The following GRIK2 variants were observed in gnomAD, a reference collection of about 807,000 sequenced individuals.
GRIK2 encodes the protein glutamate ionotropic receptor kainate type subunit 2, also known as glutamate receptor ionotropic, kainate 2.
Under a neutral mutation model 100.3 loss-of-function variants are expected in GRIK2, and 32 were observed. The ratio of observed to expected loss-of-function variants is 0.32; its 90% CI spans 0.24 to 0.43. The LOEUF is 0.43. GRIK2 is among the 20% of genes least tolerant of loss of function. The probability of loss-of-function intolerance (pLI) is 1.00; values close to 1 mark genes in which losing one functional copy is unlikely to be tolerated. For synonymous variants in GRIK2, 417 were observed against 389.4 expected, an observed-to-expected ratio of 1.07 and a Z score of -0.83; for missense variants, 843 against 1,114.9, an observed-to-expected ratio of 0.76 and a Z score of 3.47.
chr6:101,878,962 A>T (rs1339663865), intron 11 of GRIK2, among the ~76,000 whole-genome samples: 1 of 152,044 alleles, frequency 6.6e-6, no homozygotes, highest in Non-Finnish European at 1.5e-5. Flanking sequence ...TCTCATTAAC[A>T]CTGCTTATAA....
chr6:101,915,319 C>G (rs986671640), intron 12 of GRIK2, among the ~76,000 whole-genome samples: 1 of 151,040 alleles, frequency 6.6e-6, no homozygotes, highest in African/African-American at 2.4e-5. Context: ...ACATAAACTA[C>G]GTATTTGGAA....
chr6:101,930,350 AAAAATAAAAT>A (rs71028090), intron 14 of GRIK2, among the ~76,000 whole-genome samples: 1 of 39,512 alleles, frequency 2.5e-5, no homozygotes, highest in African/African-American at 1.0e-4. Flanking sequence ...CTCAAAAAAA[AAAAATAAAAT>A]AAAATAAAAT....
At chr6:101,915,523 A>T (rs1789045091) in intron 12 of GRIK2, among the ~76,000 whole-genome samples, 1 of 149,928 alleles carries the variant, frequency 6.7e-6, no homozygotes, top group Non-Finnish European at 1.5e-5. Context: ...CCTTTATTTT[A>T]TTTACTATGG....
At chr6:101,656,727 A>G (rs1465529624) in intron 4 of GRIK2, among the ~76,000 whole-genome samples, 1 of 152,222 alleles carries the variant, frequency 6.6e-6, no homozygotes, top group African/African-American at 2.4e-5. Flanking sequence ...TCTTTACTGA[A>G]GGTACCAATA....
chr6:101,437,846 A>G (rs1049232318), intron 2 of GRIK2, among the ~76,000 whole-genome samples: 10 of 152,094 alleles, frequency 6.6e-5, no homozygotes, highest in Admixed American at 1.3e-4. Context: ...TACTTCCCTT[A>G]TATACCCTTC....
intron 4 of GRIK2, among the ~76,000 whole-genome samples, chr6:101,658,074 A>G (rs1000565107): frequency 6.6e-6 from 1 of 152,102 alleles, no homozygotes; most frequent in East Asian, 1.9e-4. Context: ...ATTTTATTAT[A>G]CTTTAAGTTC....
rs967497034 is a variant in GRIK2 at position 101,914,473 on chromosome 6, A to G, written c.1749-10128A>G. Reference sequence around the variant, plus strand: ...GCTAATCCAAAATCGGCAAGGGGCTATTCCAAGAAAAGAGCAAATAGGCTA... The same window carrying G: ...GCTAATCCAAAATCGGCAAGGGGCTGTTCCAAGAAAAGAGCAAATAGGCTA... On this transcript the variant is annotated intron_variant, in intron 12 of 16. Transcript: ENST00000369134. Among the ~76,000 whole-genome samples, 104 of 151,532 alleles carry G rather than the reference A, an allele frequency of 6.9e-4. 2 individuals are homozygous for G. Among genetic ancestry groups the G allele is most frequent in the Admixed American group, 7.3e-4 (11 of 15,140 alleles).
chr6:101,934,920 A>G (rs1263486803), intron 14 of GRIK2, among the ~76,000 whole-genome samples: 1 of 152,014 alleles, frequency 6.6e-6, no homozygotes, highest in Non-Finnish European at 1.5e-5. Flanking sequence ...TTAACCTAAA[A>G]ATAATATTTA....
chr6:101,505,859 C>A (rs916252131), intron 2 of GRIK2, among the ~76,000 whole-genome samples: 2 of 150,916 alleles, frequency 1.3e-5, no homozygotes, highest in South Asian at 2.1e-4. Flanking sequence ...GATCTCTAAT[C>A]ATTCCCATAA....
intron 12 of GRIK2, chr6:101,890,376 T>G (rs1013843640): frequency 6.6e-6 from 1 of 152,342 alleles, no homozygotes; most frequent in Non-Finnish European, 1.5e-5. Context: ...ATAAATGTCA[T>G]TACCAAAAGT....
Position 101,765,447 on chromosome 6 carries a change from T to A in GRIK2, c.952-34201T>A, listed in dbSNP as rs932489341. Among the ~76,000 whole-genome samples the A allele has an allele frequency of 2.6e-5, 4 of 152,258 alleles. No individual in the cohort carries two copies. The South Asian group carries it at 8.3e-4, about 32-fold the overall frequency. ...CATTATGTATATGTTAATGTAGTAA[T>A]ATATAAATAACAATGATAATGGCTA... On this transcript the variant is annotated intron_variant, in intron 7 of 16. Coordinates refer to ENST00000369134, the MANE Select transcript of GRIK2 (RefSeq NM_021956.5).
chr6:102,027,383 A>C (rs563775957), intron 14 of GRIK2, among the ~76,000 whole-genome samples: 1 of 151,292 alleles, frequency 6.6e-6, no homozygotes, highest in East Asian at 2.0e-4. Context: ...TCTGTTTATT[A>C]ATTCAAGAGA....
intron 10 of GRIK2, among the ~76,000 whole-genome samples, chr6:101,819,570 C>A (rs942158395): frequency 1.3e-5 from 2 of 152,116 alleles, no homozygotes; most frequent in African/African-American, 2.4e-5. Flanking sequence ...CTAAGACACC[C>A]TTTTACTTAA....
chr6:101,819,801 C>T lies in GRIK2; in HGVS notation c.1317+1318C>T, dbSNP rs188104082. ...CCTTTGCAGTGCACCCAAGTCCCACCATAAAAGTCTAATTCTGTTCCAGGC... is the reference window on the plus strand; with the variant it reads ...CCTTTGCAGTGCACCCAAGTCCCACTATAAAAGTCTAATTCTGTTCCAGGC... On this transcript the variant is annotated intron_variant, in intron 10 of 16. Coordinates refer to ENST00000369134, the MANE Select transcript of GRIK2 (RefSeq NM_021956.5). 5.3e-5 allele frequency among the ~76,000 whole-genome samples: 8 copies of T among 152,126 alleles called. No homozygotes were observed. In the East Asian group the frequency reaches 1.5e-3, roughly 29 times the overall value.
At chr6:101,663,756 G>C (rs1378044054) in intron 4 of GRIK2, among the ~76,000 whole-genome samples, 1 of 152,100 alleles carries the variant, frequency 6.6e-6, no homozygotes, top group East Asian at 1.9e-4. Flanking sequence ...TGCATTTCTG[G>C]GTTGTGTTTG....
intron 2 of GRIK2, among the ~76,000 whole-genome samples, chr6:101,546,838 TTTTTTTTTTG>T (rs1224001402): frequency 6.8e-5 from 7 of 102,682 alleles, no homozygotes; most frequent in Admixed American, 1.8e-4. Context: ...TTTTTTTTTT[TTTTTTTTTTG>T]GAGACGGAGT....
chr6:102,014,260 A>AATAGTC (rs1409475601), intron 14 of GRIK2, among the ~76,000 whole-genome samples: 2 of 97,640 alleles, frequency 2.0e-5, no homozygotes, highest in Non-Finnish European at 4.9e-5. Context: ...TTTGATGGTT[A>AATAGTC]TTTGTATTCC....
At chr6:101,910,829 C>G (rs1298928974) in intron 12 of GRIK2, among the ~76,000 whole-genome samples, 2 of 87,348 alleles carry the variant, frequency 2.3e-5, no homozygotes, top group African/African-American at 1.7e-4. Flanking sequence ...TAAAATAATA[C>G]CAACATACAC....
intron 2 of GRIK2, among the ~76,000 whole-genome samples, chr6:101,616,469 G>C (rs1337421): frequency 0.84 from 126,895 of 151,670 alleles, 53,694 homozygotes; most frequent in African/African-American, 0.96. Context: ...ATTTTGTCAT[G>C]AAATACCTTC....
Sources: allele counts gnomAD v4.1 joint callset (sites outside exome capture counted in the v4.1 genomes callset), GRCh38; gene constraint gnomAD v4.1.1; transcripts MANE v1.5; gene names NCBI Gene and HGNC (gene_info 2026-07-23, HGNC 2026-07-21).